SMYD3: variants seen among roughly 807,000 people sequenced by gnomAD.
SMYD3 encodes the protein SET and MYND domain containing 3.
SMYD3 carries 36 observed loss-of-function variants against 57.7 expected under a neutral mutation model. The observed-to-expected ratio is 0.62, with a 90% CI of 0.48 to 0.82. The LOEUF (loss-of-function observed/expected upper bound fraction) is 0.82. Among genes scored for constraint, SMYD3 ranks in the 40% least tolerant of loss-of-function variants. The pLI, the probability that SMYD3 is intolerant of heterozygous loss-of-function variation, is 0.00. For synonymous variants in SMYD3, 211 were observed against 195.0 expected, an observed-to-expected ratio of 1.08 and a Z score of -0.68; for missense variants, 515 against 538.8, an observed-to-expected ratio of 0.96 and a Z score of 0.44.
At chr1:245,814,378 A>G (rs1341753462) in intron 10 of SMYD3, 1 of 984,852 alleles carries the variant, frequency 1.0e-6, no homozygotes. Context: ...GATAGAGCTC[A>G]GTTTTTTAAA....
At chr1:245,845,887 C>T (rs1245475290) in intron 10 of SMYD3, among the ~76,000 whole-genome samples, 1 of 152,138 alleles carries the variant, frequency 6.6e-6, no homozygotes, top group Non-Finnish European at 1.5e-5. Context: ...GTTCACCCAC[C>T]CTCCTAGGTT....
chr1:246,431,813 TTAACTC>T (rs1250582265), intron 1 of SMYD3, among the ~76,000 whole-genome samples: 2 of 152,222 alleles, frequency 1.3e-5, no homozygotes. Context: ...AACAATCTGT[TTAACTC>T]TAGGCAACAA....
At chr1:246,448,728 A>AG (rs2067588089) in intron 1 of SMYD3, among the ~76,000 whole-genome samples, 3 of 148,328 alleles carry the variant, frequency 2.0e-5, no homozygotes, top group African/African-American at 7.4e-5. Flanking sequence ...AAAAAAAAAA[A>AG]GGACAAAATG....
In SMYD3 at chr1:246,402,447, T is replaced by C. The variant is rs548795263; in HGVS notation, c.165-47353A>G. On this transcript the variant is annotated intron_variant, in intron 1 of 11. Coordinates refer to ENST00000490107, the MANE Select transcript of SMYD3 (RefSeq NM_001167740.2). ...TTCAGGGCACAAATCCCTCTATCCA[T>C]CAAACTAAATAGAAGGGTTAGAGAG... Among the ~76,000 whole-genome samples, 5 of 151,392 alleles carry C rather than the reference T, an allele frequency of 3.3e-5. No homozygotes were observed. The South Asian group carries it at 1.1e-3, about 32-fold the overall frequency.
chr1:246,335,596 G>T, intron 2 of SMYD3, 122 bp from the exon 3 acceptor site: 1 of 712,866 alleles, frequency 1.4e-6, no homozygotes, highest in Non-Finnish European at 2.4e-6. Context: ...CTGCACAATA[G>T]AAAATAAAAG....
chr1:246,255,737 G>A (rs2063871987), intron 5 of SMYD3, among the ~76,000 whole-genome samples: 1 of 148,922 alleles, frequency 6.7e-6, no homozygotes, highest in African/African-American at 2.5e-5. Context: ...CAATACATCT[G>A]GCAGAATCTG....
intron 10 of SMYD3, among the ~76,000 whole-genome samples, chr1:245,856,055 C>A (rs2051224053): frequency 6.6e-6 from 1 of 152,244 alleles, no homozygotes; most frequent in Non-Finnish European, 1.5e-5. Context: ...AGTGTGAATT[C>A]CCTCATGCAC....
At chr1:246,416,810 C>A (rs1315658019) in intron 1 of SMYD3, among the ~76,000 whole-genome samples, 1 of 152,088 alleles carries the variant, frequency 6.6e-6, no homozygotes, top group East Asian at 1.9e-4. Flanking sequence ...CTGTATCTCT[C>A]CAACTCCCAA....
At chr1:246,071,114 A>G (rs1488129054) in intron 5 of SMYD3, among the ~76,000 whole-genome samples, 1 of 152,244 alleles carries the variant, frequency 6.6e-6, no homozygotes, top group African/African-American at 2.4e-5. Context: ...TGTCAAATAC[A>G]GTAAATCCAT....
intron 1 of SMYD3, among the ~76,000 whole-genome samples, chr1:246,360,744 A>C (rs1239380885): frequency 6.6e-6 from 1 of 152,204 alleles, no homozygotes; most frequent in African/African-American, 2.4e-5. Flanking sequence ...TTGGCAAGCC[A>C]CCTATAGAAG....
chr1:246,397,673 C>T (rs536555360), intron 1 of SMYD3, among the ~76,000 whole-genome samples: 1 of 152,046 alleles, frequency 6.6e-6, no homozygotes. Flanking sequence ...GTATAAATGA[C>T]AGCAGTGGAG....
At chr1:245,904,122 TGTAATCCCC>T (rs2054385649) in intron 8 of SMYD3, among the ~76,000 whole-genome samples, 1 of 152,156 alleles carries the variant, frequency 6.6e-6, no homozygotes, top group Non-Finnish European at 1.5e-5. Context: ...CATCTTGAAT[TGTAATCCCC>T]ATAATTCTCA....
At chr1:245,778,064 A>G (rs972784281) in intron 10 of SMYD3, among the ~76,000 whole-genome samples, 15 of 152,298 alleles carry the variant, frequency 9.8e-5, no homozygotes, top group Middle Eastern at 3.4e-3. Flanking sequence ...AGAAACTACC[A>G]TTTAAAAATG....
intron 9 of SMYD3, among the ~76,000 whole-genome samples, chr1:245,859,798 G>C (rs1484501008): frequency 6.6e-6 from 1 of 152,220 alleles, no homozygotes; most frequent in African/African-American, 2.4e-5. Context: ...TGGCAGCCTA[G>C]CCTTTGACTG....
intron 1 of SMYD3, among the ~76,000 whole-genome samples, chr1:246,457,683 C>T (rs2067724960): frequency 1.3e-5 from 2 of 152,274 alleles, no homozygotes; most frequent in Middle Eastern, 3.4e-3. Context: ...ATCAATACTA[C>T]ATTCACAATC....
At chr1:246,058,360 C>T (rs137884548) in intron 5 of SMYD3, among the ~76,000 whole-genome samples, 1 of 152,288 alleles carries the variant, frequency 6.6e-6, no homozygotes, top group East Asian at 1.9e-4. Flanking sequence ...TATGAGAAAA[C>T]TCTGTACCTT....
chr1:245,829,413 A>G (rs1041237546), intron 10 of SMYD3, among the ~76,000 whole-genome samples: 2 of 152,158 alleles, frequency 1.3e-5, no homozygotes, highest in Admixed American at 6.6e-5. Context: ...AGGCAAATTC[A>G]AATTGAAACC....
At chr1:245,806,322 AT>A (rs1159881587) in intron 10 of SMYD3, among the ~76,000 whole-genome samples, 2 of 152,134 alleles carry the variant, frequency 1.3e-5, no homozygotes. Context: ...TTGAATGCTT[AT>A]TTTTTGCCAT....
chr1:246,400,659 T>C (rs975089030), intron 1 of SMYD3, among the ~76,000 whole-genome samples: 2 of 152,232 alleles, frequency 1.3e-5, no homozygotes, highest in Admixed American at 6.5e-5. Context: ...TATAGTTTCC[T>C]GGCCATTTCC....
Sources: allele counts gnomAD v4.1 joint callset (sites outside exome capture counted in the v4.1 genomes callset), GRCh38; gene constraint gnomAD v4.1.1; transcripts MANE v1.5; gene names NCBI Gene and HGNC (gene_info 2026-07-23, HGNC 2026-07-21).